Variants in DNAJC27 observed in about 807,000 individuals in gnomAD.
The protein encoded by DNAJC27 is DnaJ heat shock protein family (Hsp40) member C27, also known as dnaJ homolog subfamily C member 27.
A neutral mutation model predicts 31.4 loss-of-function variants in DNAJC27; 25 were observed. The observed-to-expected ratio is 0.80, with a 90% CI of 0.58 to 1.11. The LOEUF is 1.11. Among genes scored for constraint, DNAJC27 ranks in the 50% most tolerant of loss-of-function variants. DNAJC27 has a pLI of 0.00. For synonymous variants in DNAJC27, 106 were observed against 112.7 expected, an observed-to-expected ratio of 0.94 and a Z score of 0.37; for missense variants, 356 against 347.3, an observed-to-expected ratio of 1.02 and a Z score of -0.20.
At chr2:24,956,153 T>G (rs778658195) in intron 5 of DNAJC27, among the ~76,000 whole-genome samples, 2 of 152,200 alleles carry the variant, frequency 1.3e-5, no homozygotes, top group Non-Finnish European at 2.9e-5. Flanking sequence ...GAGAAGGAAA[T>G]TCAGCATAAA....
At chr2:24,971,617 G>A (rs1216746608) in intron 1 of DNAJC27, 2 of 490,440 alleles carry the variant, frequency 4.1e-6, no homozygotes, top group African/African-American at 2.0e-5. Flanking sequence ...GAAGAGTGAC[G>A]TCGGAGGACG....
rs760685900 is a variant in DNAJC27 at position 24,951,388 on chromosome 2, G to A, written c.689+6C>T. 2.6e-5 allele frequency: 42 copies of A among 1,607,058 alleles called. No individual in the cohort carries two copies. Among genetic ancestry groups the A allele is most frequent in the Non-Finnish European group, 2.9e-5 (34 of 1,176,370 alleles). On this transcript the variant is annotated splice_donor_region_variant and intron_variant, in intron 6 of 6. Transcript: ENST00000264711. ...CAATCAGCACTAAGTATCCCAGAGC[G>A]CTTACCTTGAGGCCCCAGGTTTGAC...
intron 6 of DNAJC27, 25 bp from the exon 7 acceptor site, chr2:24,947,773 G>A (rs1302924978): frequency 1.2e-6 from 2 of 1,604,352 alleles, no homozygotes; most frequent in Non-Finnish European, 8.5e-7. Flanking sequence ...CAAGATCTAT[G>A]TTAGTAACAG....
intron 6 of DNAJC27, among the ~76,000 whole-genome samples, chr2:24,950,702 C>T (rs1382684948): frequency 1.3e-5 from 2 of 151,980 alleles, no homozygotes. Flanking sequence ...TAAAAATTAG[C>T]CGGGCGTGGT....
chr2:24,949,936 C>CTTT (rs397949355), intron 6 of DNAJC27, among the ~76,000 whole-genome samples: 1 of 138,808 alleles, frequency 7.2e-6, no homozygotes, highest in Admixed American at 7.3e-5. Flanking sequence ...ACCCTACTGG[C>CTTT]TTTTTTTTTT....
At chr2:24,970,918 G>A (rs1666318323) in intron 1 of DNAJC27, among the ~76,000 whole-genome samples, 1 of 152,204 alleles carries the variant, frequency 6.6e-6, no homozygotes, top group Admixed American at 6.5e-5. Context: ...CTGGGTGCCA[G>A]GCACTGGACT....
chr2:24,954,733 C>T (rs957905827), intron 5 of DNAJC27, among the ~76,000 whole-genome samples: 1 of 152,092 alleles, frequency 6.6e-6, no homozygotes, highest in Non-Finnish European at 1.5e-5. Context: ...ATCACGAGAT[C>T]GAGACCATCC....
chr2:24,971,897 G>A lies in DNAJC27; in HGVS notation c.8C>T (p.Ala3Val), dbSNP rs1558559479. ...GGGCTCCTTCCGCTTCGGCATGTTG[G>A]CCTCCATGGCCCTGGCTCTCTCGGG... MEANMPKRKEPGR... is the reference protein window; with the variant it reads MEVNMPKRKEPGR... The change falls in exon 1 of 7, where the codon GCC becomes GTC. Residue 3 changes from alanine to valine, a missense_variant. Physicochemically the swap from Ala to Val is moderately conservative, Grantham distance 64. Transcript: ENST00000264711. 1.3e-6 allele frequency: 2 copies of A among 1,599,942 alleles called. No homozygotes were observed. The highest frequency in any genetic ancestry group is 1.3e-5 in the African/African-American group (1 of 74,220).
In DNAJC27 at chr2:24,945,671, G is replaced by A. The variant is rs1265650530; in HGVS notation, c.*1945C>T. On this transcript the variant is annotated 3_prime_UTR_variant, in exon 7 of 7. Coordinates refer to ENST00000264711, the MANE Select transcript of DNAJC27 (RefSeq NM_016544.3). ...TCTGGGTTGGAGTTCTGTAGCCTCA[G>A]AAGCCAGTTAAAGGCCAGAGGAAAA... The A allele has an allele frequency of 2.0e-5, 3 of 152,202 alleles. No homozygotes were observed. Among genetic ancestry groups the A allele is most frequent in the Non-Finnish European group, 4.4e-5 (3 of 68,050 alleles). The allele number at this position is 152,202 out of a possible 1,614,324, so 9.4% of individuals were successfully genotyped here. A position where few individuals can be genotyped will look rare whatever the true frequency, so the allele number is the denominator to read the frequency against.
At chr2:24,949,440 G>A (rs955855) in intron 6 of DNAJC27, among the ~76,000 whole-genome samples, 14,916 of 152,170 alleles carry the variant, frequency 0.098, 912 homozygotes, top group East Asian at 0.24. Flanking sequence ...TGCAGGTAGC[G>A]GGAGAAACTC....
At chr2:24,964,328 A>C (rs1666123953) in intron 2 of DNAJC27, among the ~76,000 whole-genome samples, 1 of 151,794 alleles carries the variant, frequency 6.6e-6, no homozygotes, top group Non-Finnish European at 1.5e-5. Context: ...AGGCTGAGGC[A>C]GGAGAATGGC....
chr2:24,965,272 T>C (rs982659148), intron 2 of DNAJC27, among the ~76,000 whole-genome samples: 16 of 151,974 alleles, frequency 1.1e-4, no homozygotes, highest in African/African-American at 3.9e-4. Flanking sequence ...TTTTTATTTA[T>C]TTTTGAGGAG....
chr2:24,948,582 T>C (rs990633304), intron 6 of DNAJC27, among the ~76,000 whole-genome samples: 7 of 152,156 alleles, frequency 4.6e-5, no homozygotes, highest in African/African-American at 1.7e-4. Context: ...AGATCAGTAT[T>C]ATCCAGAGAG....
At chr2:24,970,263 T>C (rs1394391880) in intron 1 of DNAJC27, among the ~76,000 whole-genome samples, 1 of 152,204 alleles carries the variant, frequency 6.6e-6, no homozygotes, top group Non-Finnish European at 1.5e-5. Flanking sequence ...CAGTTATTTC[T>C]CTTTGGGTTT....
rs1665613383 is a variant in DNAJC27 at position 24,945,044 on chromosome 2, T to C, written c.*2572A>G. 1.3e-5 allele frequency: 2 copies of C among 152,296 alleles called. No homozygotes were observed. The highest frequency in any genetic ancestry group is 4.8e-5 in the African/African-American group (2 of 41,474). 9.4% of individuals were successfully genotyped at this position (152,296 alleles called of 1,614,324 possible). A position where few individuals can be genotyped will look rare whatever the true frequency, so the allele number is the denominator to read the frequency against. On this transcript the variant is annotated 3_prime_UTR_variant, in exon 7 of 7. Coordinates refer to ENST00000264711, the MANE Select transcript of DNAJC27 (RefSeq NM_016544.3). ...GAAATCCTAACTGGCTGAAGAATTT[T>C]TAATAAGGTTGAACTACAAAGCACA... is the stretch of plus-strand genomic sequence containing the variant.
chr2:24,953,002 C>G (rs1344226377), intron 5 of DNAJC27, among the ~76,000 whole-genome samples: 2 of 152,202 alleles, frequency 1.3e-5, no homozygotes, highest in East Asian at 1.9e-4. Context: ...GATCCTGTCT[C>G]AGCCTCCTGA....
At position 24,971,906 on chromosome 2, in the gene DNAJC27, G is replaced by A. The variant is rs1299248549; in HGVS notation, c.-2C>T. The A allele has an allele frequency of 1.3e-6, 2 of 1,589,468 alleles. No homozygotes were observed. Among genetic ancestry groups the A allele is most frequent in the Non-Finnish European group, 1.7e-6 (2 of 1,170,538 alleles). ...CCGCTTCGGCATGTTGGCCTCCATG[G>A]CCCTGGCTCTCTCGGGGCCACCCGC... On this transcript the variant is annotated 5_prime_UTR_variant, in exon 1 of 7. Transcript: ENST00000264711.
intron 3 of DNAJC27, among the ~76,000 whole-genome samples, chr2:24,959,590 C>T (rs1164156338): frequency 6.6e-6 from 1 of 152,236 alleles, no homozygotes; most frequent in Non-Finnish European, 1.5e-5. Context: ...CACCAACCTT[C>T]CCAGTCTTAT....
At chr2:24,960,028 A>G (rs556344593) in intron 3 of DNAJC27, among the ~76,000 whole-genome samples, 5 of 152,208 alleles carry the variant, frequency 3.3e-5, no homozygotes, top group African/African-American at 1.2e-4. Context: ...GGCACACCTC[A>G]CTTTATTGCA....
Sources: gnomAD v4.1 joint callset for allele counts (sites outside exome capture counted in the v4.1 genomes callset) on GRCh38, gnomAD v4.1.1 for gene constraint, MANE v1.5 for transcripts, NCBI Gene and HGNC (gene_info 2026-07-23, HGNC 2026-07-21) for gene names.